PLCE1: variants seen among roughly 807,000 people sequenced by gnomAD.
PLCE1 encodes the protein phospholipase C epsilon 1, also known as 1-phosphatidylinositol 4,5-bisphosphate phosphodiesterase epsilon-1.
PLCE1 carries 119 observed loss-of-function variants against 242.8 expected under a neutral mutation model. The observed-to-expected ratio is 0.49, with a 90% CI of 0.42 to 0.57. The LOEUF is 0.57. Among genes scored for constraint, PLCE1 ranks in the 20% least tolerant of loss-of-function variants. The probability of loss-of-function intolerance (pLI) is 0.00; values close to 1 mark genes in which losing one functional copy is unlikely to be tolerated. For synonymous variants in PLCE1, 945 were observed against 1,017.4 expected, an observed-to-expected ratio of 0.93 and a Z score of 1.35; for missense variants, 2,441 against 2,788.8, an observed-to-expected ratio of 0.88 and a Z score of 2.81.
chr10:94,236,204 C>A, intron 7 of PLCE1, 84 bp downstream of exon 7: 1 of 1,121,160 alleles, frequency 8.9e-7, no homozygotes, highest in Non-Finnish European at 1.3e-6. Flanking sequence ...AGCTTAGTTT[C>A]AGATGGACAC....
chr10:94,068,384 G>T (rs2044255942), intron 2 of PLCE1, among the ~76,000 whole-genome samples: 1 of 142,740 alleles, frequency 7.0e-6, no homozygotes, highest in Non-Finnish European at 1.5e-5. Context: ...AATATTCGGG[G>T]GAAAAATAAC....
chr10:94,313,200 G>A, intron 27 of PLCE1, 54 bp from the exon 28 acceptor site: 1 of 1,604,846 alleles, frequency 6.2e-7, no homozygotes, highest in Admixed American at 1.7e-5. Context: ...ATCAAATAGA[G>A]CTTAGAAATA....
intron 2 of PLCE1, among the ~76,000 whole-genome samples, chr10:94,130,068 A>G (rs773123126): frequency 6.6e-6 from 1 of 152,244 alleles, no homozygotes; most frequent in Non-Finnish European, 1.5e-5. Flanking sequence ...TTCCTTAGCC[A>G]TCAAGCTACC....
At chr10:94,021,321 T>G (rs1242509822) in intron 1 of PLCE1, among the ~76,000 whole-genome samples, 2 of 151,898 alleles carry the variant, frequency 1.3e-5, no homozygotes, top group Non-Finnish European at 2.9e-5. Flanking sequence ...TTTTAGTGTC[T>G]TAAGAAAATT....
At chr10:94,194,664 C>T (rs1037895972) in intron 4 of PLCE1, among the ~76,000 whole-genome samples, 1 of 152,182 alleles carries the variant, frequency 6.6e-6, no homozygotes, top group Admixed American at 6.6e-5. Context: ...AGGCAAGTTT[C>T]CTAACTATTG....
At position 94,245,507 on chromosome 10, in the gene PLCE1, AT is replaced by A. The variant is rs112078461; in HGVS notation, c.2421-429del. On this transcript the variant is annotated intron_variant, in intron 7 of 32. Transcript: ENST00000371380. ...ATACGGTTATAAAAAGTTACTCAAA[AT>A]TTTTTTTTTGCTCTGTCGCCTAGGC... Among the ~76,000 whole-genome samples, 1,496 of 151,168 alleles carry A rather than the reference AT, an allele frequency of 9.9e-3. 9 individuals carry two copies. Among genetic ancestry groups the A allele is most frequent in the Non-Finnish European group, 0.016 (1,083 of 67,686 alleles).
chr10:94,229,863 T>A (rs1341799946), intron 5 of PLCE1, among the ~76,000 whole-genome samples: 1 of 152,242 alleles, frequency 6.6e-6, no homozygotes, highest in Non-Finnish European at 1.5e-5. Context: ...TCTTTACAGA[T>A]AGATAGGCGA....
intron 11 of PLCE1, among the ~76,000 whole-genome samples, chr10:94,256,289 G>A (rs113868655): frequency 1.1e-4 from 15 of 136,614 alleles, no homozygotes; most frequent in African/African-American, 2.6e-4. Flanking sequence ...ATGCCATTGC[G>A]CTCCAGCCTA....
In PLCE1 at chr10:94,265,878, T is replaced by C. The variant is rs2051496689; in HGVS notation, c.4201T>C (p.Tyr1401His). The change falls in exon 16 of 33, where the codon TAT (tyrosine) becomes CAT (histidine). Residue 1401 changes from tyrosine to histidine, a missense_variant. Transcript: ENST00000371380. ...AGAACTGCAGCTACCCCTCTCATAC[T>C]ATTACATCGAATCTTCGCACAATAC... ...IKELQLPLSY[Y>H]YIESSHNTYL... The C allele has an allele frequency of 1.2e-6, 2 of 1,614,098 alleles. No individual in the cohort carries two copies. The highest frequency in any genetic ancestry group is 4.5e-5 in the East Asian group (2 of 44,866).
intron 16 of PLCE1, among the ~76,000 whole-genome samples, chr10:94,266,950 C>T (rs920644400): frequency 3.9e-5 from 6 of 152,206 alleles, no homozygotes; most frequent in Non-Finnish European, 8.8e-5. Context: ...CCTCAGCCCC[C>T]CACACTGAGA....
At chr10:94,023,393 A>G (rs1389897670) in intron 1 of PLCE1, among the ~76,000 whole-genome samples, 2 of 152,156 alleles carry the variant, frequency 1.3e-5, no homozygotes, top group African/African-American at 2.4e-5. Flanking sequence ...CATATCATCA[A>G]AGTTGTAGAT....
intron 2 of PLCE1, among the ~76,000 whole-genome samples, chr10:94,034,154 AC>A (rs1357555842): frequency 2.0e-5 from 3 of 152,132 alleles, no homozygotes; most frequent in African/African-American, 7.2e-5. Flanking sequence ...AGACTTATTC[AC>A]TACCATGAGA....
intron 20 of PLCE1, among the ~76,000 whole-genome samples, chr10:94,282,084 A>G (rs2052254058): frequency 6.7e-6 from 1 of 149,296 alleles, no homozygotes; most frequent in African/African-American, 2.5e-5. Context: ...AATTCTGCAC[A>G]ACTGCAAGAG....
intron 10 of PLCE1, 137 bp from the exon 11 acceptor site, chr10:94,254,756 T>G (rs2051004715): frequency 4.4e-6 from 4 of 913,434 alleles, no homozygotes; most frequent in Non-Finnish European, 7.2e-6. Context: ...CATAAAGATA[T>G]TTTGGTGCTG....
At chr10:94,177,125 A>G (rs2048151459) in intron 4 of PLCE1, among the ~76,000 whole-genome samples, 1 of 152,232 alleles carries the variant, frequency 6.6e-6, no homozygotes. Context: ...AATGTGAGAA[A>G]AAGGAAGAAA....
At position 94,228,375 on chromosome 10, in the gene PLCE1, G is replaced by A. The variant is rs181317052; in HGVS notation, c.1955+924G>A. Among the ~76,000 whole-genome samples, 240 of 152,300 alleles carry A rather than the reference G, an allele frequency of 1.6e-3. 1 individual carries two copies. The highest frequency in any genetic ancestry group is 2.3e-3 in the Non-Finnish European group (157 of 68,034). On this transcript the variant is annotated intron_variant, in intron 5 of 32. Coordinates refer to ENST00000371380, the MANE Select transcript of PLCE1 (RefSeq NM_016341.4). The stretch of plus-strand genomic sequence containing the variant: ...CCCAAGGAATACCTGTGTGATCCAG[G>A]CAAGCTACTTGACTTCATTGAGCCT...
chr10:94,040,601 C>T lies in PLCE1; in HGVS notation c.1206+8349C>T, dbSNP rs574773227. ...TTCTCTCAGGGTCTCAGAAGTGCCA[C>T]CCATATACTTCTTAGTGAGTGCCTC... On this transcript the variant is annotated intron_variant, in intron 2 of 32. Transcript: ENST00000371380. Among the ~76,000 whole-genome samples the T allele has an allele frequency of 2.6e-5, 4 of 152,300 alleles. No individual in the cohort carries two copies. The East Asian group carries it at 7.7e-4, about 29-fold the overall frequency.
At chr10:94,286,543 CAT>C (rs1398284334) in intron 22 of PLCE1, among the ~76,000 whole-genome samples, 1 of 152,048 alleles carries the variant, frequency 6.6e-6, no homozygotes, top group Non-Finnish European at 1.5e-5. Context: ...TAAAAAAAAT[CAT>C]ATTATTTAAT....
intron 1 of PLCE1, among the ~76,000 whole-genome samples, chr10:94,023,321 G>GAAAAA (rs1564629847): frequency 6.6e-6 from 1 of 152,106 alleles, no homozygotes; most frequent in African/African-American, 2.4e-5. Flanking sequence ...AATAGACTAG[G>GAAAAA]ATTGACTTTT....
Sources: gnomAD v4.1 joint callset for allele counts (sites outside exome capture counted in the v4.1 genomes callset) on GRCh38, gnomAD v4.1.1 for gene constraint, MANE v1.5 for transcripts, NCBI Gene and HGNC (gene_info 2026-07-23, HGNC 2026-07-21) for gene names.